Variants in LYZL4 observed in about 807,000 individuals in gnomAD.
LYZL4 encodes the protein lysozyme-like protein 4.
Under a neutral mutation model 17.6 loss-of-function variants are expected in LYZL4, and 13 were observed. The ratio of observed to expected loss-of-function variants is 0.74; its 90% CI spans 0.48 to 1.18. The LOEUF (loss-of-function observed/expected upper bound fraction) is 1.18. Among genes scored for constraint, LYZL4 ranks in the 50% most tolerant of loss-of-function variants. The pLI, the probability that LYZL4 is intolerant of heterozygous loss-of-function variation, is 0.00. For synonymous variants in LYZL4, 64 were observed against 67.7 expected, an observed-to-expected ratio of 0.95 and a Z score of 0.27; for missense variants, 174 against 188.2, an observed-to-expected ratio of 0.92 and a Z score of 0.44.
At chr3:42,398,275 T>TG in intron 4 of LYZL4, among the ~76,000 whole-genome samples, 1 of 152,312 alleles carries the variant, frequency 6.6e-6, no homozygotes, top group South Asian at 2.1e-4. Context: ...GGAGAACACG[T>TG]GGCTGCCTGT....
the LYZL4 span, among the ~76,000 whole-genome samples, chr3:42,372,168 C>G: frequency 6.6e-6 from 1 of 152,114 alleles, no homozygotes; most frequent in Non-Finnish European, 1.5e-5. Flanking sequence ...GGGAGAGACC[C>G]AGAGTGAAAA....
chr3:42,381,707 C>T, the LYZL4 span, among the ~76,000 whole-genome samples: 3 of 152,182 alleles, frequency 2.0e-5, no homozygotes, highest in Non-Finnish European at 4.4e-5. Flanking sequence ...AATTTCCTGG[C>T]TTCTTTGCTA....
intron 3 of LYZL4, 85 bp downstream of exon 3, chr3:42,406,761 T>A (rs1698761292): frequency 6.5e-7 from 1 of 1,549,394 alleles, no homozygotes; most frequent in African/African-American, 1.4e-5. Flanking sequence ...TAAAACTTTG[T>A]AAACTCTGGC....
At chr3:42,397,666 A>T (rs1192767257) in intron 4 of LYZL4, among the ~76,000 whole-genome samples, 1 of 152,094 alleles carries the variant, frequency 6.6e-6, no homozygotes, top group Non-Finnish European at 1.5e-5. Flanking sequence ...TGCTTCTCTG[A>T]AGTAAGCTTC....
At chr3:42,373,474 A>T in the LYZL4 span, among the ~76,000 whole-genome samples, 1 of 152,058 alleles carries the variant, frequency 6.6e-6, no homozygotes, top group African/African-American at 2.4e-5. Flanking sequence ...AAGGGTTACT[A>T]TTTCACACAC....
intron 4 of LYZL4, among the ~76,000 whole-genome samples, chr3:42,401,313 C>T (rs1009642288): frequency 2.0e-5 from 3 of 151,990 alleles, no homozygotes; most frequent in Non-Finnish European, 2.9e-5. Flanking sequence ...CAGGTTCAAG[C>T]GATTCTCCTA....
intron 4 of LYZL4, among the ~76,000 whole-genome samples, chr3:42,400,478 G>A (rs191844587): frequency 1.3e-5 from 2 of 152,334 alleles, no homozygotes; most frequent in East Asian, 3.9e-4. Flanking sequence ...AATGCTCATA[G>A]CAGAGGGATT....
chr3:42,367,212 A>G, the LYZL4 span, among the ~76,000 whole-genome samples: 1 of 152,032 alleles, frequency 6.6e-6, no homozygotes, highest in African/African-American at 2.4e-5. Context: ...CTGCCCACTG[A>G]CCCCCTACCA....
At position 42,397,314 on chromosome 3, in the gene LYZL4, C is replaced by A. The variant is rs771038580; in HGVS notation, c.392G>T (p.Cys131Phe). The change falls in exon 5 of 5, where the codon TGC becomes TTC. Residue 131 changes from cysteine to phenylalanine, a missense_variant. By Grantham distance (205) the Cys-to-Phe change is radical (BLOSUM62 -2). Coordinates refer to ENST00000287748, the MANE Select transcript of LYZL4 (RefSeq NM_144634.4). ...MGAWPTWSRY[C>F]QYSDTLARWL... Reference sequence around the variant, plus strand: ...CCGTGCCAGGGTATCGGAGTACTGGCAGTACCGGGACCAGGTGGGCCTGTG... The same window carrying A: ...CCGTGCCAGGGTATCGGAGTACTGGAAGTACCGGGACCAGGTGGGCCTGTG... 2 of 1,573,374 alleles carry A rather than the reference C, an allele frequency of 1.3e-6. No homozygotes were observed. Among genetic ancestry groups the A allele is most frequent in the East Asian group, 4.7e-5 (2 of 42,302 alleles).
chr3:42,390,219 C>T, the LYZL4 span, among the ~76,000 whole-genome samples: 1 of 152,134 alleles, frequency 6.6e-6, no homozygotes, highest in Admixed American at 6.5e-5. Flanking sequence ...ATGGGCACAG[C>T]GTGAGGATAT....
chr3:42,373,978 A>G, the LYZL4 span, among the ~76,000 whole-genome samples: 34,409 of 152,126 alleles, frequency 0.23, 8,143 homozygotes, highest in African/African-American at 0.6. Context: ...TAAGACCAAA[A>G]TGCCTCATCA....
intron 4 of LYZL4, among the ~76,000 whole-genome samples, chr3:42,403,054 C>T (rs1698685127): frequency 6.6e-6 from 1 of 152,142 alleles, no homozygotes; most frequent in Admixed American, 6.5e-5. Context: ...ACTAGATTTG[C>T]ATTTATTTTG....
At chr3:42,375,621 G>A in the LYZL4 span, among the ~76,000 whole-genome samples, 3 of 152,208 alleles carry the variant, frequency 2.0e-5, no homozygotes, top group Admixed American at 6.5e-5. Context: ...GGAAGAGCCG[G>A]GGAGACAGGA....
the LYZL4 span, among the ~76,000 whole-genome samples, chr3:42,385,805 G>C: frequency 6.6e-6 from 1 of 152,156 alleles, no homozygotes; most frequent in East Asian, 1.9e-4. Context: ...TTGAGGGTCA[G>C]GCACCCGATA....
chr3:42,378,669 G>T, the LYZL4 span, among the ~76,000 whole-genome samples: 1 of 152,118 alleles, frequency 6.6e-6, no homozygotes, highest in Non-Finnish European at 1.5e-5. Flanking sequence ...CAACTCAGCT[G>T]GTTCCACGTG....
chr3:42,366,949 A>G, the LYZL4 span, among the ~76,000 whole-genome samples: 1 of 152,216 alleles, frequency 6.6e-6, no homozygotes, highest in Non-Finnish European at 1.5e-5. Context: ...TTTCTGGTAC[A>G]GGGCTGTGCT....
At chr3:42,393,337 G>GCACACACACACACACA (rs3071913), downstream of LYZL4, among the ~76,000 whole-genome samples, 1 of 148,814 alleles carries the variant, frequency 6.7e-6, no homozygotes, top group African/African-American at 2.5e-5. Flanking sequence ...GTGTGCGCGT[G>GCACACACACACACACA]CACACACACA....
At chr3:42,410,160 C>T (rs1483221869) in intron 1 of LYZL4, among the ~76,000 whole-genome samples, 1 of 152,208 alleles carries the variant, frequency 6.6e-6, no homozygotes, top group Admixed American at 6.5e-5. Context: ...TTTTCTCTCT[C>T]CCATACCTGA....
chr3:42,398,362 TCAGTGCCATA>T (rs1267297396), intron 4 of LYZL4, among the ~76,000 whole-genome samples: 2 of 152,188 alleles, frequency 1.3e-5, no homozygotes, highest in Non-Finnish European at 2.9e-5. Flanking sequence ...ATAGCTCCAC[TCAGTGCCATA>T]CACTAAATAT....
Sources: allele counts gnomAD v4.1 joint callset (sites outside exome capture counted in the v4.1 genomes callset), GRCh38; gene constraint gnomAD v4.1.1; transcripts MANE v1.5; gene names NCBI Gene and HGNC (gene_info 2026-07-23, HGNC 2026-07-21).